Variants in CPNE4 observed in about 807,000 individuals in gnomAD.
CPNE4 encodes the protein copine-4.
CPNE4 carries 25 observed loss-of-function variants against 67.9 expected under a neutral mutation model. The ratio of observed to expected loss-of-function variants is 0.37; its 90% CI spans 0.27 to 0.51. The LOEUF is 0.51. Among genes scored for constraint, CPNE4 ranks in the 20% least tolerant of loss-of-function variants. CPNE4 has a pLI of 0.93. For missense variants in CPNE4, 464 were observed against 690.8 expected (o/e 0.67, Z 3.68); for synonymous variants, 242 against 244.9 (o/e 0.99, Z 0.11).
At chr3:131,878,922 C>T (rs1439308327) in intron 2 of CPNE4, among the ~76,000 whole-genome samples, 1 of 152,204 alleles carries the variant, frequency 6.6e-6, no homozygotes, top group Non-Finnish European at 1.5e-5. Flanking sequence ...AAGGTCTCAC[C>T]CTCATGACAC....
At chr3:131,960,557 T>C (rs1330119557) in intron 1 of CPNE4, among the ~76,000 whole-genome samples, 3 of 152,166 alleles carry the variant, frequency 2.0e-5, no homozygotes, top group African/African-American at 4.8e-5. Flanking sequence ...TGTTACAAGA[T>C]TATAGTTCCC....
intron 2 of CPNE4, among the ~76,000 whole-genome samples, chr3:131,880,331 G>C (rs1444607739): frequency 6.6e-6 from 1 of 151,998 alleles, no homozygotes; most frequent in Admixed American, 6.6e-5. Context: ...TAGCCAGGAT[G>C]ATCTCGATCT....
At chr3:131,955,429 T>TTTTTTTTTTTTTTTTTTTTTTTC (rs57945572) in intron 1 of CPNE4, among the ~76,000 whole-genome samples, 3 of 136,650 alleles carry the variant, frequency 2.2e-5, no homozygotes, top group African/African-American at 8.6e-5. Flanking sequence ...TTTTTTTTTT[T>TTTTTTTTTTTTTTTTTTTTTTTC]TTTTTGTATG....
intron 2 of CPNE4, among the ~76,000 whole-genome samples, chr3:131,897,378 T>C (rs1010195428): frequency 2.6e-5 from 4 of 152,110 alleles, no homozygotes; most frequent in Admixed American, 1.3e-4. Flanking sequence ...TGAATATGCA[T>C]GTAATGACTT....
chr3:131,694,070 G>A (rs1006753199), intron 5 of CPNE4, among the ~76,000 whole-genome samples: 9 of 152,130 alleles, frequency 5.9e-5, no homozygotes, highest in Non-Finnish European at 1.2e-4. Context: ...CCAAGGGACT[G>A]GAGATCCAGG....
intron 11 of CPNE4, among the ~76,000 whole-genome samples, chr3:131,561,810 C>T (rs1047460138): frequency 6.6e-6 from 1 of 152,048 alleles, no homozygotes; most frequent in East Asian, 1.9e-4. Flanking sequence ...AATTTCCTGA[C>T]TCTGCCTGTC....
chr3:131,596,621 CAAAAAAAAAAAAAAAA>C (rs58456346), intron 7 of CPNE4, among the ~76,000 whole-genome samples: 2 of 32,980 alleles, frequency 6.1e-5, no homozygotes, highest in South Asian at 2.5e-3. Context: ...GACTCCGTCT[CAAAAAAAAAAAAAAAA>C]AAAAAAAAAA....
chr3:131,714,223 C>A (rs1394974013), intron 3 of CPNE4, among the ~76,000 whole-genome samples: 1 of 152,138 alleles, frequency 6.6e-6, no homozygotes, highest in Non-Finnish European at 1.5e-5. Flanking sequence ...CAGTGTTCAG[C>A]AACCTGGCTC....
intron 2 of CPNE4, among the ~76,000 whole-genome samples, chr3:131,897,072 T>C (rs1182767524): frequency 3.9e-5 from 6 of 152,040 alleles, no homozygotes; most frequent in South Asian, 2.1e-4. Context: ...GATGAGGACA[T>C]TGATGAAAGG....
chr3:131,947,036 C>A (rs886626638), intron 1 of CPNE4, among the ~76,000 whole-genome samples: 6 of 152,176 alleles, frequency 3.9e-5, no homozygotes, highest in Non-Finnish European at 5.9e-5. Flanking sequence ...TACTACTGAA[C>A]TCTCAGTTCT....
intron 2 of CPNE4, among the ~76,000 whole-genome samples, chr3:131,883,722 T>C (rs535920083): frequency 6.7e-6 from 1 of 149,324 alleles, no homozygotes; most frequent in South Asian, 2.1e-4. Flanking sequence ...TTTATTATTG[T>C]GGTAAGAACA....
chr3:131,986,867 C>CAAAAAAAAA (rs112652096), intron 1 of CPNE4, among the ~76,000 whole-genome samples: 1 of 134,662 alleles, frequency 7.4e-6, no homozygotes, highest in African/African-American at 2.8e-5. Flanking sequence ...AACAAACAAA[C>CAAAAAAAAA]AAAAAAAAAA....
At chr3:131,591,491 C>T (rs1016856690) in intron 7 of CPNE4, among the ~76,000 whole-genome samples, 1 of 152,140 alleles carries the variant, frequency 6.6e-6, no homozygotes, top group Admixed American at 6.5e-5. Context: ...CCTTAAGCTG[C>T]CAACCTCAAG....
At chr3:131,796,558 T>C (rs991331272) in intron 2 of CPNE4, among the ~76,000 whole-genome samples, 10 of 152,186 alleles carry the variant, frequency 6.6e-5, no homozygotes, top group African/African-American at 9.7e-5. Flanking sequence ...ATACATTTTT[T>C]CTAAGTCAAT....
At chr3:131,676,043 ATTAT>A (rs1345911998) in intron 6 of CPNE4, among the ~76,000 whole-genome samples, 1 of 138,538 alleles carries the variant, frequency 7.2e-6, no homozygotes, top group Non-Finnish European at 1.5e-5. Context: ...TATTATTATT[ATTAT>A]TATTATTATT....
At chr3:131,726,373 G>T (rs59048394) in intron 2 of CPNE4, among the ~76,000 whole-genome samples, 1 of 152,148 alleles carries the variant, frequency 6.6e-6, no homozygotes, top group African/African-American at 2.4e-5. Context: ...TGACAAGATG[G>T]AAAGACATTA....
intron 7 of CPNE4, among the ~76,000 whole-genome samples, chr3:131,615,246 T>C (rs1582895150): frequency 6.6e-6 from 1 of 152,220 alleles, no homozygotes; most frequent in South Asian, 2.1e-4. Flanking sequence ...TACCGTAAGA[T>C]TGCTGTGATG....
At chr3:131,686,573 T>G (rs529079155) in intron 5 of CPNE4, among the ~76,000 whole-genome samples, 18 of 152,306 alleles carry the variant, frequency 1.2e-4, no homozygotes, top group African/African-American at 4.1e-4. Context: ...GAGGATGAAT[T>G]TCTTCAAATG....
chr3:131,575,616 A>G (rs1039939008), intron 9 of CPNE4, among the ~76,000 whole-genome samples: 1 of 152,160 alleles, frequency 6.6e-6, no homozygotes, highest in African/African-American at 2.4e-5. Flanking sequence ...CCCTGCCATG[A>G]ACAACAATGA....
Sources: allele counts gnomAD v4.1 joint callset (sites outside exome capture counted in the v4.1 genomes callset), GRCh38; gene constraint gnomAD v4.1.1; transcripts MANE v1.5; gene names NCBI Gene and HGNC (gene_info 2026-07-23, HGNC 2026-07-21).